The following RCAN1 variants were observed in gnomAD, a reference collection of about 807,000 sequenced individuals.
RCAN1 encodes regulator of calcineurin 1.
Under a neutral mutation model 22.9 loss-of-function variants are expected in RCAN1, and 11 were observed. The ratio of observed to expected loss-of-function variants is 0.48; its 90% CI spans 0.30 to 0.79. RCAN1 has a LOEUF of 0.79. RCAN1 is among the 30% of genes least tolerant of loss of function. RCAN1 has a pLI of 0.06. For missense variants in RCAN1, 291 were observed against 337.8 expected (o/e 0.86, Z 1.09); for synonymous variants, 136 against 142.3 (o/e 0.96, Z 0.32).
chr21:34,610,170 A>G (rs1385719249), intron 1 of RCAN1, among the ~76,000 whole-genome samples: 1 of 152,230 alleles, frequency 6.6e-6, no homozygotes, highest in Non-Finnish European at 1.5e-5. Context: ...AGGAACAGGC[A>G]GAAACGCAGC....
chr21:34,556,918 T>C (rs1986596628), intron 1 of RCAN1, among the ~76,000 whole-genome samples: 1 of 152,082 alleles, frequency 6.6e-6, no homozygotes, highest in Admixed American at 6.5e-5. Flanking sequence ...TATGGTCCTT[T>C]AAAAGCTGTA....
At chr21:34,532,385 G>C (rs1985438306) in intron 1 of RCAN1, among the ~76,000 whole-genome samples, 1 of 152,218 alleles carries the variant, frequency 6.6e-6, no homozygotes, top group African/African-American at 2.4e-5. Flanking sequence ...TCATACCCTT[G>C]TCCAAGGTTT....
At chr21:34,540,088 C>T (rs988614111) in intron 1 of RCAN1, among the ~76,000 whole-genome samples, 2 of 152,194 alleles carry the variant, frequency 1.3e-5, no homozygotes, top group African/African-American at 4.8e-5. Context: ...TTTTCTTTCT[C>T]CCTGGATGAC....
At chr21:34,598,050 A>G (rs1988222239) in intron 1 of RCAN1, among the ~76,000 whole-genome samples, 2 of 152,238 alleles carry the variant, frequency 1.3e-5, no homozygotes, top group Non-Finnish European at 2.9e-5. Flanking sequence ...TGGCTTACAT[A>G]AGTAGAATAA....
chr21:34,523,283 C>T (rs1984734373), intron 2 of RCAN1, among the ~76,000 whole-genome samples: 1 of 152,200 alleles, frequency 6.6e-6, no homozygotes, highest in Non-Finnish European at 1.5e-5. Context: ...CCCCAGTGAA[C>T]AGGGAAGGCT....
At chr21:34,576,623 T>C (rs1987418484) in intron 1 of RCAN1, among the ~76,000 whole-genome samples, 1 of 151,686 alleles carries the variant, frequency 6.6e-6, no homozygotes, top group Non-Finnish European at 1.5e-5. Context: ...TCACAGGAGG[T>C]TGAAAACAAT....
At chr21:34,559,591 A>C (rs1283322605) in intron 1 of RCAN1, among the ~76,000 whole-genome samples, 2 of 151,030 alleles carry the variant, frequency 1.3e-5, no homozygotes, top group Non-Finnish European at 2.9e-5. Flanking sequence ...GAGGGTCCTG[A>C]TGTTCTTTGG....
intron 1 of RCAN1, among the ~76,000 whole-genome samples, chr21:34,538,219 G>A (rs1018639123): frequency 6.6e-6 from 1 of 152,246 alleles, no homozygotes; most frequent in Non-Finnish European, 1.5e-5. Context: ...TTTTCAGAGT[G>A]TGGTCTTTAA....
At chr21:34,585,255 A>G (rs1207580367) in intron 1 of RCAN1, among the ~76,000 whole-genome samples, 2 of 152,234 alleles carry the variant, frequency 1.3e-5, no homozygotes, top group Non-Finnish European at 2.9e-5. Context: ...ATTTATAAGC[A>G]TTCTTAGAAT....
intron 1 of RCAN1, among the ~76,000 whole-genome samples, chr21:34,542,038 G>C (rs1985936109): frequency 6.6e-6 from 1 of 152,276 alleles, no homozygotes; most frequent in Admixed American, 6.5e-5. Flanking sequence ...ACAAAATCTT[G>C]TGTTTCTGCA....
chr21:34,561,853 A>G (rs546782745), intron 1 of RCAN1, among the ~76,000 whole-genome samples: 1 of 152,230 alleles, frequency 6.6e-6, no homozygotes, highest in Non-Finnish European at 1.5e-5. Context: ...GGACAGCTGG[A>G]GCACGCTGGG....
At chr21:34,520,971 C>T in intron 3 of RCAN1, 1 of 648,310 alleles carries the variant, frequency 1.5e-6, no homozygotes, top group Non-Finnish European at 2.0e-6. Context: ...TGTAGGGGAC[C>T]AGCCCACAGG....
chr21:34,553,053 G>C (rs1253154728), intron 1 of RCAN1, among the ~76,000 whole-genome samples: 1 of 152,212 alleles, frequency 6.6e-6, no homozygotes, highest in Non-Finnish European at 1.5e-5. Flanking sequence ...CTACCTTCTA[G>C]ACCATAAATG....
At chr21:34,607,514 T>C (rs1027023469) in intron 1 of RCAN1, among the ~76,000 whole-genome samples, 3 of 152,022 alleles carry the variant, frequency 2.0e-5, no homozygotes, top group African/African-American at 7.2e-5. Context: ...CTCAGCCTCC[T>C]GAATAGCTGG....
chr21:34,542,346 C>T (rs1265276512), intron 1 of RCAN1, among the ~76,000 whole-genome samples: 3 of 152,162 alleles, frequency 2.0e-5, no homozygotes, highest in Admixed American at 2.0e-4. Context: ...AAAAGCCATG[C>T]CCTTCTGCCT....
At chr21:34,535,930 G>A (rs765160) in intron 1 of RCAN1, among the ~76,000 whole-genome samples, 54,850 of 150,504 alleles carry the variant, frequency 0.36, 11,112 homozygotes, top group African/African-American at 0.56. Flanking sequence ...AAAGAAAAGA[G>A]AAAAATAAAA....
intron 1 of RCAN1, among the ~76,000 whole-genome samples, chr21:34,594,926 ACT>A (rs1370583642): frequency 1.3e-5 from 2 of 152,112 alleles, no homozygotes; most frequent in Non-Finnish European, 2.9e-5. Context: ...AAGAATGCTA[ACT>A]CTGGAATAAG....
chr21:34,594,818 A>G (rs1392281089), intron 1 of RCAN1, among the ~76,000 whole-genome samples: 1 of 152,148 alleles, frequency 6.6e-6, no homozygotes, highest in Non-Finnish European at 1.5e-5. Context: ...CCGTGTCTTC[A>G]CTGTAAAATG....
intron 1 of RCAN1, among the ~76,000 whole-genome samples, chr21:34,605,888 C>G (rs1219199717): frequency 6.7e-6 from 1 of 148,508 alleles, no homozygotes; most frequent in Non-Finnish European, 1.5e-5. Context: ...CCATTGTACT[C>G]CAGCCTGGGC....
Sources: gnomAD v4.1 joint callset for allele counts (sites outside exome capture counted in the v4.1 genomes callset) on GRCh38, gnomAD v4.1.1 for gene constraint, MANE v1.5 for transcripts, NCBI Gene and HGNC (gene_info 2026-07-23, HGNC 2026-07-21) for gene names.